Variants in FOXF1 observed in about 807,000 individuals in gnomAD.
FOXF1 encodes the protein forkhead box protein F1.
A neutral mutation model predicts 26.6 loss-of-function variants in FOXF1; 9 were observed. The ratio of observed to expected loss-of-function variants is 0.34; its 90% confidence interval spans 0.20 to 0.59. The LOEUF (loss-of-function observed/expected upper bound fraction) is 0.59. Ranked by LOEUF, FOXF1 falls within the 20% of genes least tolerant of loss-of-function variation. FOXF1 has a pLI of 0.83. For missense variants in FOXF1, 499 were observed against 549.9 expected, an observed-to-expected ratio of 0.91 and a Z score of 0.93; for synonymous variants, 330 against 257.7, an observed-to-expected ratio of 1.28 and a Z score of -2.69.
Position 86,511,401 on chromosome 16 carries a change from C to T in FOXF1, c.832C>T (p.Leu278Phe), listed in dbSNP as rs765772985. 4.4e-6 allele frequency: 7 copies of T among 1,590,574 alleles called. No homozygotes were observed. The South Asian group carries it at 7.8e-5, about 18-fold the overall frequency. The stretch of plus-strand genomic sequence containing the variant: ...CTGGCCGCCCTCGGCGTCCGCGGCG[C>T]TCAACAGCGGCGCCTCTTATATCAA... ...AAWPPSASAA[L>F]NSGASYIKQQ... The change falls in exon 1 of 2, where the codon CTC (leucine) becomes TTC (phenylalanine). Residue 278 changes from leucine (L) to phenylalanine (F), a missense_variant. This residue lies in a region of FOXF1 where 367 missense variants were observed against 324.8 expected (regional missense o/e 1.13). Coordinates refer to ENST00000262426, the MANE Select transcript of FOXF1 (RefSeq NM_001451.3).
chr16:86,512,222 C>G (rs1171296247), intron 1 of FOXF1, among the ~76,000 whole-genome samples: 1 of 152,202 alleles, frequency 6.6e-6, no homozygotes, highest in Non-Finnish European at 1.5e-5. Context: ...CCCAACACCC[C>G]TGATACCCCA....
chr16:86,512,785 A>G (rs781485054), intron 1 of FOXF1, 140 bp from the exon 2 acceptor site: 90 of 932,198 alleles, frequency 9.7e-5, no homozygotes, highest in Middle Eastern at 4.7e-4. Flanking sequence ...CGGGGAGGAG[A>G]GCGGGGAGGC....
chr16:86,511,136 G>A lies in FOXF1; in HGVS notation c.567G>A (p.Glu189=), dbSNP rs1227979179. ...GCCCGCCCAACAGCCTGGCGCTGGA[G>A]GGCGGCCTGGGCATGATGAACGGCC... The part of the protein sequence containing the change: ...LSCPPNSLAL[E]GGLGMMNGHL... The change falls in exon 1 of 2, where the codon GAG becomes GAA. Residue 189 remains glutamate, a synonymous_variant. Coordinates refer to ENST00000262426, the MANE Select transcript of FOXF1 (RefSeq NM_001451.3). 3.1e-6 allele frequency: 5 copies of A among 1,601,654 alleles called. No homozygotes were observed. The South Asian group carries it at 3.3e-5, about 11-fold the overall frequency.
Position 86,510,593 on chromosome 16 carries a change from G to A in FOXF1, c.24G>A (p.Gln8=). Residue 8 remains glutamine (Q), a synonymous_variant, in exon 1 of 2, where the codon CAG becomes CAA. Coordinates refer to ENST00000262426, the MANE Select transcript of FOXF1 (RefSeq NM_001451.3). MSSAPEK[Q]QPPHGGGGGG... ...CGATGTCTTCGGCGCCCGAGAAGCAGCAGCCACCGCACGGCGGCGGCGGCG... is the reference window on the plus strand; with the variant it reads ...CGATGTCTTCGGCGCCCGAGAAGCAACAGCCACCGCACGGCGGCGGCGGCG... The A allele has an allele frequency of 7.2e-7, 1 of 1,383,136 alleles. No individual in the cohort carries two copies. The highest frequency in any genetic ancestry group is 9.3e-7 in the Non-Finnish European group (1 of 1,076,876). The allele number at this position is 1,383,136 out of a possible 1,614,324, so 85.7% of individuals were successfully genotyped here.
In FOXF1 at chr16:86,510,992, G is replaced by A. The variant is rs764288451; in HGVS notation, c.423G>A (p.Pro141=). The A allele has an allele frequency of 1.1e-5, 17 of 1,612,556 alleles. No individual in the cohort carries two copies. The Admixed American group carries it at 2.3e-4, about 22-fold the overall frequency. Residue 141 remains proline, a synonymous_variant, in exon 1 of 2, where the codon CCG becomes CCA. Coordinates refer to ENST00000262426, the MANE Select transcript of FOXF1 (RefSeq NM_001451.3). ...MFEEGSFRRR[P]RGFRRKCQAL... Reference sequence around the variant, plus strand: ...AGGAGGGCTCCTTTCGGCGGCGGCCGCGCGGCTTCCGAAGGAAATGCCAGG... The same window carrying A: ...AGGAGGGCTCCTTTCGGCGGCGGCCACGCGGCTTCCGAAGGAAATGCCAGG...
chr16:86,511,393 C>T lies in FOXF1; in HGVS notation c.824C>T (p.Ser275Phe), dbSNP rs1487470060. Reference sequence around the variant, plus strand: ...GCGGCGGCCTGGCCGCCCTCGGCGTCCGCGGCGCTCAACAGCGGCGCCTCT... The same window carrying T: ...GCGGCGGCCTGGCCGCCCTCGGCGTTCGCGGCGCTCAACAGCGGCGCCTCT... ...GSAAAWPPSA[S>F]AALNSGASYI... The change falls in exon 1 of 2, where the codon TCC (serine) becomes TTC (phenylalanine). Residue 275 changes from serine to phenylalanine, a missense_variant. Coordinates refer to ENST00000262426, the MANE Select transcript of FOXF1 (RefSeq NM_001451.3). The T allele has an allele frequency of 6.3e-7, 1 of 1,588,042 alleles. No individual in the cohort carries two copies. Among genetic ancestry groups the T allele is most frequent in the Middle Eastern group, 1.8e-4 (1 of 5,676 alleles).
At position 86,511,047 on chromosome 16, in the gene FOXF1, G is replaced by C; in HGVS notation, c.478G>C (p.Gly160Arg). The C allele has an allele frequency of 1.2e-6, 2 of 1,611,518 alleles. No homozygotes were observed. Among genetic ancestry groups the C allele is most frequent in the Non-Finnish European group, 1.7e-6 (2 of 1,179,958 alleles). The change falls in exon 1 of 2, where the codon GGG becomes CGG. Residue 160 changes from glycine to arginine, a missense_variant. Around this residue, in one of 5 missense-constraint regions of FOXF1, gnomAD observed 367 missense variants for 324.8 expected, o/e 1.13. Transcript: ENST00000262426. ...ALKPMYSMMNGLGFNHLPDTY... is the reference protein window; with the variant it reads ...ALKPMYSMMNRLGFNHLPDTY... Reference sequence around the variant, plus strand: ...CAAGCCCATGTACAGCATGATGAACGGGCTCGGCTTCAACCACCTCCCGGA... The same window carrying C: ...CAAGCCCATGTACAGCATGATGAACCGGCTCGGCTTCAACCACCTCCCGGA...
rs539630029 is a variant in FOXF1 at position 86,511,768 on chromosome 16, G to T, written c.979+220G>T. ...GGCCAATCTGTTTCTCTTTCTGTTC[G>T]AACTCCAGCTGCCAGCTGCTCCAGG... On this transcript the variant is annotated intron_variant, in intron 1 of 1. Coordinates refer to ENST00000262426, the MANE Select transcript of FOXF1 (RefSeq NM_001451.3). Among the ~76,000 whole-genome samples the T allele has an allele frequency of 2.6e-5, 4 of 152,292 alleles. No homozygotes were observed. The South Asian group carries it at 8.3e-4, about 32-fold the overall frequency.
chr16:86,510,534 AGCGGCG>A lies in FOXF1; in HGVS notation c.-33_-28del. 7.8e-7 allele frequency: 1 copy of A among 1,285,178 alleles called. No individual in the cohort carries two copies. Among genetic ancestry groups the A allele is most frequent in the Non-Finnish European group, 9.8e-7 (1 of 1,018,824 alleles). 79.6% of individuals were successfully genotyped at this position (1,285,178 alleles called of 1,614,324 possible). A position where few individuals can be genotyped will look rare whatever the true frequency, so the allele number is the denominator to read the frequency against. ...TCCCGGCCCGTCCGCGGCGCAGAGC[AGCGGCG>A]GCAGCGGCGGCGGCGGCAGCAGCCA... On this transcript the variant is annotated 5_prime_UTR_variant, in exon 1 of 2. Transcript: ENST00000262426.
chr16:86,513,126 A>G lies in FOXF1; in HGVS notation c.*41A>G. ...CCCTCCTGGTGCAGGCAGGCGGGTC[A>G]CAGGGACCCTGGACCGGCACAAGAA... is the stretch of plus-strand genomic sequence containing the variant. On this transcript the variant is annotated 3_prime_UTR_variant, in exon 2 of 2. Transcript: ENST00000262426. The G allele has an allele frequency of 6.2e-7, 1 of 1,601,198 alleles. No homozygotes were observed. The highest frequency in any genetic ancestry group is 8.5e-7 in the Non-Finnish European group (1 of 1,176,238).
Position 86,512,932 on chromosome 16 carries a change from G to T in FOXF1, c.987G>T (p.Pro329=). ...HNAPAELQGI[P]RYHSQSPSMC... ...TGTCGCCTCGCCTTGCAGGCATCCC[G>T]CGGTATCACTCGCAGTCGCCCAGCA... The change falls in exon 2 of 2, where the codon CCG becomes CCT. Residue 329 remains proline, a synonymous_variant. Coordinates refer to ENST00000262426, the MANE Select transcript of FOXF1 (RefSeq NM_001451.3). 2 of 1,614,048 alleles carry T rather than the reference G, an allele frequency of 1.2e-6. No individual in the cohort carries two copies. The highest frequency in any genetic ancestry group is 1.1e-5 in the South Asian group (1 of 91,044).
At position 86,513,456 on chromosome 16, in the gene FOXF1, G is replaced by A. The variant is rs1440515269; in HGVS notation, c.*371G>A. On this transcript the variant is annotated 3_prime_UTR_variant, in exon 2 of 2. Transcript: ENST00000262426. ...TCCTTCCGGCCAATGGCAGAAGTGG[G>A]GGAAAATTTTTAGAAGAAAAGCAAA... The A allele has an allele frequency of 2.7e-5, 7 of 258,730 alleles. No homozygotes were observed. Among genetic ancestry groups the A allele is most frequent in the African/African-American group, 1.3e-4 (6 of 45,322 alleles). The allele number at this position is 258,730 out of a possible 1,614,324, so 16.0% of individuals were successfully genotyped here.
Position 86,511,049 on chromosome 16 carries a change from G to T in FOXF1, c.480G>T (p.Gly160=). The T allele has an allele frequency of 1.2e-6, 2 of 1,611,376 alleles. No individual in the cohort carries two copies. The highest frequency in any genetic ancestry group is 2.2e-5 in the East Asian group (1 of 44,854). ...ALKPMYSMMN[G]LGFNHLPDTY... The stretch of plus-strand genomic sequence containing the variant: ...AGCCCATGTACAGCATGATGAACGG[G>T]CTCGGCTTCAACCACCTCCCGGACA... The change falls in exon 1 of 2, where the codon GGG becomes GGT. Residue 160 remains glycine (G), a synonymous_variant. Transcript: ENST00000262426.
chr16:86,511,355 C>T lies in FOXF1; in HGVS notation c.786C>T (p.Val262=). 6.4e-7 allele frequency: 1 copy of T among 1,559,282 alleles called. No homozygotes were observed. The highest frequency in any genetic ancestry group is 8.6e-7 in the Non-Finnish European group (1 of 1,161,928). ...GAGGVMEPHA[V]YSGSAAAWPP... ...GTGGGGTCATGGAGCCGCACGCCGT[C>T]TACTCGGGCTCGGCGGCGGCCTGGC... The change falls in exon 1 of 2, where the codon GTC becomes GTT. Residue 262 remains valine, a synonymous_variant. Transcript: ENST00000262426.
At chr16:86,511,609 A>T (rs1362715915) in intron 1 of FOXF1, 61 bp downstream of exon 1, 1 of 1,537,456 alleles carries the variant, frequency 6.5e-7, no homozygotes, top group East Asian at 2.4e-5. Context: ...TGGCAGCGGG[A>T]CCCAGCTGGG....
In FOXF1 at chr16:86,511,465, C is replaced by G; in HGVS notation, c.896C>G (p.Pro299Arg). ...PLSPCNPAAN[P>R]LSGSLSTHSL... ...TCCCCCTGTAACCCCGCGGCCAACC[C>G]CCTGTCCGGCAGCCTCTCCACGCAC... The change falls in exon 1 of 2, where the codon CCC becomes CGC. Residue 299 changes from proline to arginine, a missense_variant. This residue lies in a region of FOXF1 where 367 missense variants were observed against 324.8 expected (regional missense o/e 1.13). Coordinates refer to ENST00000262426, the MANE Select transcript of FOXF1 (RefSeq NM_001451.3). 6.3e-7 allele frequency: 1 copy of G among 1,591,592 alleles called. No homozygotes were observed. Among genetic ancestry groups the G allele is most frequent in the Non-Finnish European group, 8.5e-7 (1 of 1,177,182 alleles).
intron 1 of FOXF1, among the ~76,000 whole-genome samples, chr16:86,512,153 C>T (rs1218276128): frequency 1.3e-5 from 2 of 152,248 alleles, no homozygotes; most frequent in East Asian, 3.8e-4. Context: ...GTCAGAGCTG[C>T]AGACCGGGCC....
Position 86,513,043 on chromosome 16 carries a change from C to T in FOXF1, c.1098C>T (p.His366=). ...CGGCCGGCGGGGGCTCCTACTACCA[C>T]CAGCAGGTCACCTACCAAGACATCA... ...MHSAGGGSYY[H]QQVTYQDIKP... The change falls in exon 2 of 2, where the codon CAC becomes CAT. Residue 366 remains histidine, a synonymous_variant. Coordinates refer to ENST00000262426, the MANE Select transcript of FOXF1 (RefSeq NM_001451.3). 1 of 1,613,446 alleles carries T rather than the reference C, an allele frequency of 6.2e-7. No individual in the cohort carries two copies. Among genetic ancestry groups the T allele is most frequent in the Non-Finnish European group, 8.5e-7 (1 of 1,180,038 alleles).
At position 86,510,629 on chromosome 16, in the gene FOXF1, G is replaced by C. The variant is rs905666886; in HGVS notation, c.60G>C (p.Gly20=). ...PPHGGGGGGG[G]GGGAAMDPAS... is the part of the protein sequence containing the mutation. The stretch of plus-strand genomic sequence containing the variant: ...ACGGCGGCGGCGGCGGCGGCGGCGG[G>C]GGAGGCGGCGCGGCCATGGACCCCG... The change falls in exon 1 of 2, where the codon GGG becomes GGC. Residue 20 remains glycine (G), a synonymous_variant. Coordinates refer to ENST00000262426, the MANE Select transcript of FOXF1 (RefSeq NM_001451.3). 103 of 1,402,714 alleles carry C rather than the reference G, an allele frequency of 7.3e-5. No homozygotes were observed. The highest frequency in any genetic ancestry group is 9.5e-5 in the Non-Finnish European group (103 of 1,084,680). The allele number at this position is 1,402,714 out of a possible 1,614,324, so 86.9% of individuals were successfully genotyped here. A position where few individuals can be genotyped will look rare whatever the true frequency, so the allele number is the denominator to read the frequency against.
Sources: gnomAD v4.1 joint callset for allele counts (sites outside exome capture counted in the v4.1 genomes callset) on GRCh38, gnomAD v4.1.1 for gene constraint, gnomAD v4.1.1 regional missense constraint, MANE v1.5 for transcripts, NCBI Gene and HGNC (gene_info 2026-07-23, HGNC 2026-07-21) for gene names.